CRYBG3: variants seen among roughly 807,000 people sequenced by gnomAD.
CRYBG3 encodes the protein very large A-kinase anchor protein.
A neutral mutation model predicts 244.2 loss-of-function variants in CRYBG3; 127 were observed. The ratio of observed to expected loss-of-function variants is 0.52; its 90% CI spans 0.45 to 0.60. The LOEUF is 0.60. Ranked by LOEUF, CRYBG3 falls within the 20% of genes least tolerant of loss-of-function variation. The pLI, the probability that CRYBG3 is intolerant of heterozygous loss-of-function variation, is 0.00. For missense variants in CRYBG3, 3,325 were observed against 3,442.5 expected (o/e 0.97, Z 0.85); for synonymous variants, 1,132 against 1,195.8 (o/e 0.95, Z 1.10).
rs1252446745 is a variant in CRYBG3, at chr3:97,872,343, G to A, written c.1149G>A (p.Leu383=). Residue 383 remains leucine, a synonymous_variant, in exon 4 of 22, where the codon TTG becomes TTA. Coordinates refer to ENST00000389622, the MANE Select transcript of CRYBG3 (RefSeq NM_153605.4). ...ACAGAAATTTGGTATGTTCAGCATT[G>A]TTAACAGGAAGTAACCATCGCAAAG... The part of the protein sequence containing the change: ...QTNRNLVCSA[L]LTGSNHRKVP... The A allele has an allele frequency of 1.3e-6, 2 of 1,535,810 alleles. No individual in the cohort carries two copies. Among genetic ancestry groups the A allele is most frequent in the African/African-American group, 2.7e-5 (2 of 72,998 alleles).
intron 2 of CRYBG3, among the ~76,000 whole-genome samples, chr3:97,863,161 G>C (rs905569093): frequency 6.6e-6 from 1 of 152,108 alleles, no homozygotes; most frequent in Non-Finnish European, 1.5e-5. Flanking sequence ...ATTGTTTTCT[G>C]ACTCACACTT....
In CRYBG3 at chr3:97,921,889, T is replaced by G. The variant is rs1279275223; in HGVS notation, c.8241+6153T>G. Among the ~76,000 whole-genome samples, 7 of 152,258 alleles carry G rather than the reference T, an allele frequency of 4.6e-5. No individual in the cohort carries two copies. The East Asian group carries it at 1.4e-3, about 29-fold the overall frequency. On this transcript the variant is annotated intron_variant, in intron 17 of 21. Transcript: ENST00000389622. Reference sequence around the variant, plus strand: ...CTGGTTGCTTCTCTAATTTCCCCACTGGGGCCTTGGAATGGAAGTTTGGCT... The same window carrying G: ...CTGGTTGCTTCTCTAATTTCCCCACGGGGGCCTTGGAATGGAAGTTTGGCT...
At chr3:97,840,713 A>G (rs2038799305) in intron 1 of CRYBG3, 1 of 152,150 alleles carries the variant, frequency 6.6e-6, no homozygotes. Context: ...AACACACCAA[A>G]TAAAGCAGAA....
chr3:97,860,070 G>A (rs548380404), intron 2 of CRYBG3, among the ~76,000 whole-genome samples: 19 of 152,136 alleles, frequency 1.2e-4, no homozygotes, highest in Admixed American at 1.0e-3. Context: ...CTCTGAAAAG[G>A]TTTCCCATCT....
At position 97,872,657 on chromosome 3, in the gene CRYBG3, C is replaced by G. The variant is rs768883819; in HGVS notation, c.1463C>G (p.Ala488Gly). The G allele has an allele frequency of 6.5e-7, 1 of 1,535,768 alleles. No homozygotes were observed. Among genetic ancestry groups the G allele is most frequent in the South Asian group, 1.2e-5 (1 of 84,050 alleles). ...QTIDSSSKQA[A>G]THTNIIALQR... is the part of the protein sequence containing the mutation. ...ATAGATAGCTCATCAAAGCAAGCTG[C>G]CACTCACACCAATATCATTGCTCTT... The change falls in exon 4 of 22, where the codon GCC becomes GGC. Residue 488 changes from alanine to glycine, a missense_variant. Around this residue, in one of 4 missense-constraint regions of CRYBG3, gnomAD observed 1,526 missense variants for 1,443.2 expected, o/e 1.06. Transcript: ENST00000389622.
chr3:97,882,565 T>C (rs748975188), intron 7 of CRYBG3, among the ~76,000 whole-genome samples: 7 of 152,206 alleles, frequency 4.6e-5, no homozygotes, highest in Admixed American at 2.6e-4. Context: ...ACATCTTAGA[T>C]AAGGACAGAA....
intron 18 of CRYBG3, 124 bp from the exon 19 acceptor site, chr3:97,936,661 T>G: frequency 1.1e-6 from 1 of 928,470 alleles, no homozygotes; most frequent in Non-Finnish European, 1.6e-6. Context: ...GGAAAAAATG[T>G]GCAATTTTAA....
intron 2 of CRYBG3, among the ~76,000 whole-genome samples, chr3:97,861,700 C>T (rs779144469): frequency 4.6e-5 from 7 of 152,126 alleles, no homozygotes; most frequent in Non-Finnish European, 1.0e-4. Flanking sequence ...TCATTCTACT[C>T]ATTCATTGCT....
chr3:97,891,971 G>A (rs141886379), intron 10 of CRYBG3, among the ~76,000 whole-genome samples: 60 of 152,244 alleles, frequency 3.9e-4, no homozygotes, highest in Admixed American at 1.6e-3. Flanking sequence ...CCAAAAAACT[G>A]TTGCCACGAC....
In CRYBG3 at chr3:97,874,580, T is replaced by C. The variant is rs894619196; in HGVS notation, c.3386T>C (p.Phe1129Ser). 1.3e-6 allele frequency: 2 copies of C among 1,536,004 alleles called. No homozygotes were observed. The highest frequency in any genetic ancestry group is 1.7e-4 in the Middle Eastern group (1 of 5,988). ...GTEVTPFQEH[F>S]GIYTGKISID... Reference sequence around the variant, plus strand: ...GAAGTAACCCCATTTCAGGAACATTTTGGGATTTATACTGGGAAGATATCC... The same window carrying C: ...GAAGTAACCCCATTTCAGGAACATTCTGGGATTTATACTGGGAAGATATCC... The change falls in exon 4 of 22, where the codon TTT becomes TCT. Residue 1129 changes from phenylalanine (F) to serine (S), a missense_variant. Physicochemically the swap from Phe to Ser is radical, Grantham distance 155. Coordinates refer to ENST00000389622, the MANE Select transcript of CRYBG3 (RefSeq NM_153605.4).
rs831869 is a variant in CRYBG3, at chr3:97,881,365, T to C, written c.7152+146T>C. 1.8e-3 allele frequency: 1,013 copies of C among 548,524 alleles called. 11 individuals are homozygous for C. Among genetic ancestry groups the C allele is most frequent in the East Asian group, 0.018 (551 of 30,626 alleles). 34.0% of individuals were successfully genotyped at this position (548,524 alleles called of 1,614,324 possible). On this transcript the variant is annotated intron_variant, in intron 7 of 21. Transcript: ENST00000389622. ...TACCATATTGATAATCTTTTGAATT[T>C]ATGCAAATAGAGTGAATGGCAATTA...
chr3:97,933,940 G>A (rs1018766712), intron 18 of CRYBG3, 107 bp downstream of exon 18: 6 of 846,580 alleles, frequency 7.1e-6, no homozygotes, highest in Non-Finnish European at 7.3e-6. Context: ...AAGTGGTCTT[G>A]AGGAAGAGCC....
chr3:97,870,061 G>T (rs1294413517), intron 3 of CRYBG3, among the ~76,000 whole-genome samples: 1 of 152,036 alleles, frequency 6.6e-6, no homozygotes, highest in African/African-American at 2.4e-5. Context: ...TAATGGTTTG[G>T]TTAATCATAT....
chr3:97,840,042 T>C (rs1346819067), intron 1 of CRYBG3, among the ~76,000 whole-genome samples: 1 of 152,010 alleles, frequency 6.6e-6, no homozygotes, highest in Non-Finnish European at 1.5e-5. Context: ...GTGGCAAATA[T>C]GTGGGAGGTA....
At chr3:97,941,080 C>T in intron 19 of CRYBG3, 68 bp from the exon 20 acceptor site, 19 of 1,345,832 alleles carry the variant, frequency 1.4e-5, no homozygotes, top group Non-Finnish European at 2.0e-5. Flanking sequence ...TCCCAGCTTT[C>T]CTCCTCTGGA....
At chr3:97,918,681 T>C (rs2039952874) in intron 17 of CRYBG3, among the ~76,000 whole-genome samples, 1 of 152,240 alleles carries the variant, frequency 6.6e-6, no homozygotes, top group Admixed American at 6.5e-5. Context: ...CATTTTCATA[T>C]TTTATCTCAA....
intron 2 of CRYBG3, among the ~76,000 whole-genome samples, chr3:97,851,435 G>A (rs111652382): frequency 2.0e-5 from 3 of 152,176 alleles, no homozygotes; most frequent in Admixed American, 2.0e-4. Flanking sequence ...CCTACACCCT[G>A]TGGTGTCAAG....
intron 2 of CRYBG3, among the ~76,000 whole-genome samples, chr3:97,854,372 C>G (rs2039035142): frequency 6.6e-6 from 1 of 151,852 alleles, no homozygotes; most frequent in Non-Finnish European, 1.5e-5. Context: ...ATTGTTTTTT[C>G]TAGTTCTATG....
intron 3 of CRYBG3, among the ~76,000 whole-genome samples, chr3:97,869,287 A>G (rs563956282): frequency 2.0e-5 from 3 of 152,200 alleles, no homozygotes; most frequent in African/African-American, 7.2e-5. Flanking sequence ...GTTTAATCTT[A>G]TTATCATATA....
Sources: allele counts gnomAD v4.1 joint callset (sites outside exome capture counted in the v4.1 genomes callset), GRCh38; gene constraint gnomAD v4.1.1; regional missense constraint gnomAD v4.1.1; transcripts MANE v1.5; gene names NCBI Gene and HGNC (gene_info 2026-07-23, HGNC 2026-07-21).